The following TAX1BP1 variants were observed in gnomAD, a reference collection of about 807,000 sequenced individuals.
TAX1BP1 encodes Tax1 binding protein 1.
A neutral mutation model predicts 97.7 loss-of-function variants in TAX1BP1; 62 were observed. That is an observed-to-expected ratio of 0.63 (90% CI 0.52 to 0.78). The LOEUF (loss-of-function observed/expected upper bound fraction) is 0.78. TAX1BP1 is among the 30% of genes least tolerant of loss of function. TAX1BP1 has a pLI of 0.00. For missense variants in TAX1BP1, 867 were observed against 916.1 expected, an observed-to-expected ratio of 0.95 and a Z score of 0.69; for synonymous variants, 340 against 304.2, an observed-to-expected ratio of 1.12 and a Z score of -1.23.
intron 12 of TAX1BP1, among the ~76,000 whole-genome samples, chr7:27,797,808 T>C (rs756319929): frequency 9.3e-5 from 14 of 151,006 alleles, no homozygotes; most frequent in African/African-American, 1.2e-4. Flanking sequence ...GAAAGGAAGA[T>C]AGAATAATGT....
intron 13 of TAX1BP1, among the ~76,000 whole-genome samples, chr7:27,806,531 T>A (rs973479444): frequency 6.6e-6 from 1 of 152,224 alleles, no homozygotes; most frequent in Non-Finnish European, 1.5e-5. Flanking sequence ...GTCAGTGATT[T>A]GAGATACTAC....
At chr7:27,815,335 A>T (rs1189817986) in intron 13 of TAX1BP1, among the ~76,000 whole-genome samples, 1 of 152,200 alleles carries the variant, frequency 6.6e-6, no homozygotes, top group Non-Finnish European at 1.5e-5. Context: ...ATTTAAAAAA[A>T]ATCATGAATG....
chr7:27,817,055 T>C lies in TAX1BP1; in HGVS notation c.2085+17T>C. On this transcript the variant is annotated intron_variant, in intron 15 of 16. Transcript: ENST00000396319. The stretch of plus-strand genomic sequence containing the variant: ...GATAGCAAAGTAAATTGAATTTTCA[T>C]TGTGTGAGCCTGTCCCTTTTTTATT... 1 of 1,602,912 alleles carries C rather than the reference T, an allele frequency of 6.2e-7. No individual in the cohort carries two copies. The highest frequency in any genetic ancestry group is 1.1e-5 in the South Asian group (1 of 89,720).
chr7:27,811,443 G>A (rs1790556940), intron 13 of TAX1BP1, among the ~76,000 whole-genome samples: 1 of 151,958 alleles, frequency 6.6e-6, no homozygotes, highest in South Asian at 2.1e-4. Flanking sequence ...TCCATTTATT[G>A]GATCATTTAT....
intron 1 of TAX1BP1, among the ~76,000 whole-genome samples, chr7:27,742,079 A>G (rs962269693): frequency 1.3e-5 from 2 of 152,180 alleles, no homozygotes; most frequent in African/African-American, 4.8e-5. Flanking sequence ...GGAACGTACA[A>G]TCGGGTTTTA....
At chr7:27,751,740 A>G (rs1054525085) in intron 2 of TAX1BP1, among the ~76,000 whole-genome samples, 2 of 152,104 alleles carry the variant, frequency 1.3e-5, no homozygotes, top group Admixed American at 6.6e-5. Context: ...AGGGAGGAGG[A>G]ATGAAGATGG....
intron 11 of TAX1BP1, among the ~76,000 whole-genome samples, chr7:27,795,100 A>G (rs939167696): frequency 2.6e-5 from 4 of 152,186 alleles, no homozygotes; most frequent in Non-Finnish European, 2.9e-5. Flanking sequence ...TAAATACTAG[A>G]GAAAGTATAT....
In TAX1BP1 at chr7:27,828,808, G is replaced by A. The variant is rs116615727; in HGVS notation, c.2349G>A (p.Gln783=). 1,073 of 1,561,504 alleles carry A rather than the reference G, an allele frequency of 6.9e-4. 8 individuals carry two copies. In the African/African-American group the frequency reaches 0.013, roughly 19 times the overall value. ...FERHVQTHFD[Q]NVLNFD ...GGCATGTGCAGACCCATTTTGATCAGAATGTTCTAAATTTTGACTAGTTAC... is the reference window on the plus strand; with the variant it reads ...GGCATGTGCAGACCCATTTTGATCAAAATGTTCTAAATTTTGACTAGTTAC... The change falls in exon 17 of 17, where the codon CAG becomes CAA. Residue 783 remains glutamine, a synonymous_variant. Transcript: ENST00000396319.
At chr7:27,799,916 ACT>A in intron 12 of TAX1BP1, 47 bp from the exon 13 acceptor site, 1 of 1,472,804 alleles carries the variant, frequency 6.8e-7, no homozygotes, top group Non-Finnish European at 9.2e-7. Flanking sequence ...ATAGATTTTC[ACT>A]CTACATGAAT....
intron 5 of TAX1BP1, among the ~76,000 whole-genome samples, chr7:27,780,254 T>C (rs1280913462): frequency 1.3e-5 from 2 of 152,198 alleles, no homozygotes; most frequent in Non-Finnish European, 2.9e-5. Context: ...AAAAATCAAA[T>C]TACCAAAATT....
chr7:27,778,456 G>T (rs1348285535), intron 5 of TAX1BP1, among the ~76,000 whole-genome samples: 1 of 152,062 alleles, frequency 6.6e-6, no homozygotes, highest in Non-Finnish European at 1.5e-5. Flanking sequence ...TTGTACTCAA[G>T]AATATAGATA....
chr7:27,750,407 C>T (rs1270339099), intron 2 of TAX1BP1, among the ~76,000 whole-genome samples: 1 of 152,196 alleles, frequency 6.6e-6, no homozygotes, highest in Non-Finnish European at 1.5e-5. Flanking sequence ...CAAAATCTGA[C>T]AGATTTAGAA....
At chr7:27,809,678 A>C (rs1790478155) in intron 13 of TAX1BP1, among the ~76,000 whole-genome samples, 1 of 152,126 alleles carries the variant, frequency 6.6e-6, no homozygotes. Flanking sequence ...TCCTATTTGC[A>C]AATAATTTAT....
At chr7:27,803,205 A>G in intron 13 of TAX1BP1, 4 of 1,496,858 alleles carry the variant, frequency 2.7e-6, no homozygotes, top group Non-Finnish European at 2.7e-6. Flanking sequence ...AGTTAAACAA[A>G]TGTGTATCAC....
intron 14 of TAX1BP1, 76 bp from the exon 15 acceptor site, chr7:27,816,814 G>T: frequency 1.3e-6 from 2 of 1,525,800 alleles, no homozygotes; most frequent in Non-Finnish European, 1.8e-6. Flanking sequence ...TTTATATCCT[G>T]TTCATCATAT....
intron 15 of TAX1BP1, among the ~76,000 whole-genome samples, chr7:27,819,039 T>TAA (rs1234201382): frequency 3.9e-5 from 6 of 152,276 alleles, no homozygotes; most frequent in African/African-American, 1.4e-4. Flanking sequence ...ATGTCATATA[T>TAA]AATAAGTTAC....
chr7:27,828,531 T>A, intron 16 of TAX1BP1, 97 bp from the exon 17 acceptor site: 1 of 1,139,618 alleles, frequency 8.8e-7, no homozygotes, highest in Non-Finnish European at 1.3e-6. Flanking sequence ...TTAGTATGAA[T>A]ATCAGCTAAC....
At chr7:27,749,904 CCCGCAGCCTTCCAAATAG>C (rs2128307577) in intron 2 of TAX1BP1, among the ~76,000 whole-genome samples, 1 of 152,152 alleles carries the variant, frequency 6.6e-6, no homozygotes, top group South Asian at 2.1e-4. Context: ...TGATCCTTTC[CCCGCAGCCTTCCAAATAG>C]CTGGGATTAT....
At chr7:27,777,163 A>G (rs1789064720) in intron 5 of TAX1BP1, among the ~76,000 whole-genome samples, 1 of 151,830 alleles carries the variant, frequency 6.6e-6, no homozygotes, top group Non-Finnish European at 1.5e-5. Flanking sequence ...TATGGGTTAT[A>G]TTTTTCTGCC....
Sources: gnomAD v4.1 joint callset for allele counts (sites outside exome capture counted in the v4.1 genomes callset) on GRCh38, gnomAD v4.1.1 for gene constraint, MANE v1.5 for transcripts, NCBI Gene and HGNC (gene_info 2026-07-23, HGNC 2026-07-21) for gene names.